Variants in LINGO2 observed in about 807,000 individuals in gnomAD.
LINGO2 encodes leucine-rich repeat and immunoglobulin-like domain-containing nogo receptor-interacting protein 2.
In LINGO2, 14 loss-of-function variants were observed where a neutral mutation model predicts 30.6. The ratio of observed to expected loss-of-function variants is 0.46; its 90% CI spans 0.30 to 0.72. LINGO2 has a LOEUF of 0.72. Among genes scored for constraint, LINGO2 ranks in the 30% least tolerant of loss-of-function variants. LINGO2 has a pLI of 0.07. For synonymous variants in LINGO2, 317 were observed against 288.5 expected (o/e 1.10, Z -1.00); for missense variants, 729 against 751.7 (o/e 0.97, Z 0.35).
chr9:29,096,269 C>T, the LINGO2 span, among the ~76,000 whole-genome samples: 1 of 138,714 alleles, frequency 7.2e-6, no homozygotes. Flanking sequence ...TAGATGGTGT[C>T]TACATTCTTT....
rs968963465 is a variant in LINGO2 at position 28,401,573 on chromosome 9, G to A, written c.-278-28705C>T. ...GGGTTGGTTCCATGTCTTTGCTATT[G>A]TAAATAGTGCTACAGTAAATATATG... is the stretch of plus-strand genomic sequence containing the variant. On this transcript the variant is annotated intron_variant, in intron 2 of 5. Transcript: ENST00000379992. 3.3e-5 allele frequency among the ~76,000 whole-genome samples: 5 copies of A among 152,018 alleles called. No homozygotes were observed. The South Asian group carries it at 6.2e-4, about 19-fold the overall frequency.
chr9:28,510,781 A>G (rs1820351165), intron 1 of LINGO2, among the ~76,000 whole-genome samples: 1 of 151,860 alleles, frequency 6.6e-6, no homozygotes, highest in Non-Finnish European at 1.5e-5. Flanking sequence ...AAAATTATCT[A>G]TCTATCTATC....
intron 5 of LINGO2, among the ~76,000 whole-genome samples, chr9:27,985,189 T>C (rs1241239553): frequency 6.6e-6 from 1 of 151,908 alleles, no homozygotes; most frequent in East Asian, 1.9e-4. Flanking sequence ...AACATGAGTG[T>C]CATAACACAT....
chr9:28,981,368 C>A, the LINGO2 span, among the ~76,000 whole-genome samples: 1 of 81,676 alleles, frequency 1.2e-5, no homozygotes, highest in Non-Finnish European at 3.1e-5. Flanking sequence ...TACTTAAGAT[C>A]CTTAGATTAT....
intron 4 of LINGO2, among the ~76,000 whole-genome samples, chr9:28,227,827 TC>T (rs1294971227): frequency 3.3e-5 from 5 of 151,988 alleles, no homozygotes; most frequent in African/African-American, 1.2e-4. Context: ...AAAGGAAGGT[TC>T]AGGAAAGATG....
chr9:29,019,835 A>T, the LINGO2 span, among the ~76,000 whole-genome samples: 1 of 152,126 alleles, frequency 6.6e-6, no homozygotes, highest in Non-Finnish European at 1.5e-5. Flanking sequence ...TCCATTCCTT[A>T]TGAGTTACAA....
chr9:28,305,352 G>A (rs962189981), intron 3 of LINGO2, among the ~76,000 whole-genome samples: 20 of 151,948 alleles, frequency 1.3e-4, no homozygotes, highest in Non-Finnish European at 2.5e-4. Context: ...GTTCAACATT[G>A]TAGTGGAGGT....
the LINGO2 span, among the ~76,000 whole-genome samples, chr9:28,889,909 T>A: frequency 1.3e-5 from 2 of 151,796 alleles, no homozygotes; most frequent in Admixed American, 1.3e-4. Flanking sequence ...ATTTTGCCTA[T>A]GTTAGTTTGT....
intron 2 of LINGO2, among the ~76,000 whole-genome samples, chr9:28,425,321 G>A (rs1478398490): frequency 9.5e-6 from 1 of 105,292 alleles, no homozygotes; most frequent in Non-Finnish European, 1.9e-5. Flanking sequence ...CAGTATATAT[G>A]TGTGTGTGTA....
At chr9:28,611,897 T>C (rs565057310) in intron 1 of LINGO2, among the ~76,000 whole-genome samples, 3 of 152,080 alleles carry the variant, frequency 2.0e-5, no homozygotes, top group East Asian at 3.9e-4. Flanking sequence ...CTCAGCTCAC[T>C]GCAAGCTCCG....
intron 1 of LINGO2, among the ~76,000 whole-genome samples, chr9:28,481,627 T>C (rs968864753): frequency 6.6e-6 from 1 of 151,994 alleles, no homozygotes; most frequent in African/African-American, 2.4e-5. Flanking sequence ...TATTTATTTA[T>C]TTTTTATTAT....
At chr9:28,125,002 T>C (rs1263359328) in intron 4 of LINGO2, among the ~76,000 whole-genome samples, 1 of 152,170 alleles carries the variant, frequency 6.6e-6, no homozygotes, top group Non-Finnish European at 1.5e-5. Flanking sequence ...AGAAAGAAGG[T>C]TGGCAACCAG....
chr9:29,208,828 G>A, the LINGO2 span, among the ~76,000 whole-genome samples: 1 of 152,074 alleles, frequency 6.6e-6, no homozygotes, highest in Non-Finnish European at 1.5e-5. Flanking sequence ...CAAGTCTTCT[G>A]GTGTCAGATC....
chr9:29,075,020 A>ATCAAATTCATAAATAAAATATT, the LINGO2 span, among the ~76,000 whole-genome samples: 4 of 152,106 alleles, frequency 2.6e-5, no homozygotes, highest in African/African-American at 9.7e-5. Flanking sequence ...ATTCATAAAT[A>ATCAAATTCATAAATAAAATATT]CACATAATTT....
chr9:28,682,445 G>A, the LINGO2 span, among the ~76,000 whole-genome samples: 5 of 152,048 alleles, frequency 3.3e-5, no homozygotes, highest in Admixed American at 3.3e-4. Flanking sequence ...ATTCATTTTT[G>A]TACAGGTTAT....
At chr9:28,263,225 T>C (rs1822628500) in intron 4 of LINGO2, among the ~76,000 whole-genome samples, 1 of 152,012 alleles carries the variant, frequency 6.6e-6, no homozygotes, top group African/African-American at 2.4e-5. Context: ...TGCAACTTCT[T>C]GTCTCTTTCC....
the LINGO2 span, among the ~76,000 whole-genome samples, chr9:28,933,914 G>A: frequency 2.0e-5 from 3 of 152,054 alleles, no homozygotes; most frequent in Non-Finnish European, 4.4e-5. Context: ...AATTTATTAT[G>A]GAAGTGTACT....
At chr9:28,903,202 A>C in the LINGO2 span, among the ~76,000 whole-genome samples, 2 of 152,112 alleles carry the variant, frequency 1.3e-5, no homozygotes, top group African/African-American at 4.8e-5. Flanking sequence ...TATAATTGTT[A>C]CCATAGAAAT....
chr9:28,723,601 C>T, the LINGO2 span, among the ~76,000 whole-genome samples: 2 of 152,022 alleles, frequency 1.3e-5, no homozygotes, highest in East Asian at 1.9e-4. Context: ...TTGGTGAACT[C>T]GTCAGTGCTA....
Sources: allele counts gnomAD v4.1 joint callset (sites outside exome capture counted in the v4.1 genomes callset), GRCh38; gene constraint gnomAD v4.1.1; transcripts MANE v1.5; gene names NCBI Gene and HGNC (gene_info 2026-07-23, HGNC 2026-07-21).